Variants in PCDHA7 observed in about 807,000 individuals in gnomAD.
PCDHA7 encodes the protein protocadherin alpha 7.
In PCDHA7, 37 loss-of-function variants were observed where a neutral mutation model predicts 57.2. The ratio of observed to expected loss-of-function variants is 0.65; its 90% confidence interval spans 0.50 to 0.85. PCDHA7 has a LOEUF of 0.85. Ranked by LOEUF, PCDHA7 falls within the 40% of genes least tolerant of loss-of-function variation. The pLI, the probability that PCDHA7 is intolerant of heterozygous loss-of-function variation, is 0.00. For missense variants in PCDHA7, 1,188 were observed against 1,241.8 expected (o/e 0.96, Z 0.65); for synonymous variants, 553 against 558.8 (o/e 0.99, Z 0.15).
chr5:140,932,593 A>T (rs1347990722), intron 1 of PCDHA7, among the ~76,000 whole-genome samples: 1 of 151,922 alleles, frequency 6.6e-6, no homozygotes, highest in South Asian at 2.1e-4. Context: ...GATGTTTTGT[A>T]TATCTATTTT....
At chr5:140,869,631 G>A in intron 1 of PCDHA7, 1 of 1,613,652 alleles carries the variant, frequency 6.2e-7, no homozygotes, top group Non-Finnish European at 8.5e-7. Context: ...GTAAAAATGA[G>A]TATTTTTCTT....
At chr5:140,967,291 C>T (rs782682819) in intron 1 of PCDHA7, 11 of 1,612,754 alleles carry the variant, frequency 6.8e-6, no homozygotes, top group South Asian at 1.1e-5. Context: ...CGCAGGACCC[C>T]GACGTGGGCG....
intron 1 of PCDHA7, among the ~76,000 whole-genome samples, chr5:140,951,121 C>A (rs1223231581): frequency 6.9e-6 from 1 of 145,374 alleles, no homozygotes; most frequent in African/African-American, 2.6e-5. Context: ...TCATTCCTTA[C>A]CAATAAGTTT....
rs148144382 is a variant in PCDHA7 at position 140,914,978 on chromosome 5, G to C, written c.2356-63971G>C. On this transcript the variant is annotated intron_variant, in intron 1 of 3. Coordinates refer to ENST00000525929, the MANE Select transcript of PCDHA7 (RefSeq NM_018910.3). ...TTTTTTTTTTCTGAGTCAGAGTCTT[G>C]CTCTGCTACCAGGCTGGAGTGCAGT... Among the ~76,000 whole-genome samples the C allele has an allele frequency of 8.9e-3, 1,161 of 130,768 alleles. 6 individuals are homozygous for C. Among genetic ancestry groups the C allele is most frequent in the African/African-American group, 0.022 (758 of 34,950 alleles). 85.8% of individuals were successfully genotyped at this position (130,768 alleles called of 152,430 possible).
chr5:140,905,154 A>C (rs2071632233), intron 1 of PCDHA7, among the ~76,000 whole-genome samples: 1 of 152,040 alleles, frequency 6.6e-6, no homozygotes, highest in Admixed American at 6.6e-5. Context: ...ATATTTTAGA[A>C]TTTTCATGGT....
Position 140,883,665 on chromosome 5 carries a change from A to G in PCDHA7, c.2355+46927A>G, listed in dbSNP as rs782383703. 3.7e-6 allele frequency: 6 copies of G among 1,613,494 alleles called. No individual in the cohort carries two copies. The African/African-American group carries it at 8.0e-5, about 22-fold the overall frequency. On this transcript the variant is annotated intron_variant, in intron 1 of 3. Transcript: ENST00000525929. ...CCCGAGTACACGGTGTTCGTGAAGG[A>G]AAACAATCCGCCGGGCTGCCACATC...
At chr5:140,939,351 T>C (rs918440257) in intron 1 of PCDHA7, among the ~76,000 whole-genome samples, 2 of 152,140 alleles carry the variant, frequency 1.3e-5, no homozygotes, top group Non-Finnish European at 1.5e-5. Flanking sequence ...TTTCAACTTA[T>C]GATTGCAAAG....
intron 1 of PCDHA7, among the ~76,000 whole-genome samples, chr5:140,932,061 T>G (rs1009983968): frequency 5.3e-5 from 8 of 152,046 alleles, no homozygotes; most frequent in African/African-American, 1.9e-4. Flanking sequence ...TACTAAAAAT[T>G]ATCAGTTTAA....
chr5:140,864,013 A>G (rs574478230), intron 1 of PCDHA7: 3 of 153,164 alleles, frequency 2.0e-5, no homozygotes, highest in African/African-American at 4.8e-5. Flanking sequence ...AAAAAAAAGT[A>G]CATTGGAAGT....
chr5:141,010,321 G>A lies in PCDHA7; in HGVS notation c.*384G>A. The A allele has an allele frequency of 1.3e-6, 2 of 1,541,244 alleles. No individual in the cohort carries two copies. Among genetic ancestry groups the A allele is most frequent in the South Asian group, 1.2e-5 (1 of 82,726 alleles). On this transcript the variant is annotated 3_prime_UTR_variant, in exon 4 of 4. Transcript: ENST00000525929. ...GGCTGAAAAGTTTTGAGATTGAGCA[G>A]CTTGGGAGTTTGTGGCCACTGGGTA...
chr5:140,882,046 TACTTAC>T lies in PCDHA7; in HGVS notation c.2355+45317_2355+45322del, dbSNP rs2058922100. The T allele has an allele frequency of 1.6e-5, 12 of 728,060 alleles. No homozygotes were observed. In the South Asian group the frequency reaches 2.5e-4, roughly 15 times the overall value. 45.1% of individuals were successfully genotyped at this position (728,060 alleles called of 1,614,324 possible). ...AATGGAAAATATGAAGACTGAGTCA[TACTTAC>T]ACTTACACGTTCATGCGCATGGTGT... is the stretch of plus-strand genomic sequence containing the variant. On this transcript the variant is annotated intron_variant, in intron 1 of 3. Coordinates refer to ENST00000525929, the MANE Select transcript of PCDHA7 (RefSeq NM_018910.3).
At chr5:140,895,912 A>G (rs1215168324) in intron 1 of PCDHA7, among the ~76,000 whole-genome samples, 1 of 152,146 alleles carries the variant, frequency 6.6e-6, no homozygotes, top group African/African-American at 2.4e-5. Context: ...CCCGGGCTCA[A>G]CAATTATCCT....
intron 1 of PCDHA7, chr5:140,883,711 C>G: frequency 6.2e-7 from 1 of 1,613,576 alleles, no homozygotes; most frequent in Admixed American, 1.7e-5. Flanking sequence ...CTGCTCAGGA[C>G]GCGGACGCAC....
chr5:140,970,776 A>G lies in PCDHA7; in HGVS notation c.2356-8173A>G, dbSNP rs1338334067. Among the ~76,000 whole-genome samples the G allele has an allele frequency of 1.3e-5, 2 of 152,212 alleles. 1 individual carries two copies. The highest frequency in any genetic ancestry group is 4.8e-5 in the African/African-American group (2 of 41,458). On this transcript the variant is annotated intron_variant, in intron 1 of 3. Coordinates refer to ENST00000525929, the MANE Select transcript of PCDHA7 (RefSeq NM_018910.3). Reference sequence around the variant, plus strand: ...TTCATTGACATATTGCTGTACATACATATTGTATGTAATATCCATATTGTT... The same window carrying G: ...TTCATTGACATATTGCTGTACATACGTATTGTATGTAATATCCATATTGTT...
At chr5:140,871,279 C>G in intron 1 of PCDHA7, 2 of 1,613,946 alleles carry the variant, frequency 1.2e-6, no homozygotes, top group Non-Finnish European at 1.7e-6. Flanking sequence ...GTCGGCAACG[C>G]CCACTGAGGG....
In PCDHA7 at chr5:141,010,797, AC is replaced by A. The variant is rs1329759215; in HGVS notation, c.*864del. Reference sequence around the variant, plus strand: ...AATACTTATGCAAAAGCAAAAGAAAACCCCGACACCTCACCTTTCGCTGTTT... The same window carrying A: ...AATACTTATGCAAAAGCAAAAGAAAACCCGACACCTCACCTTTCGCTGTTT... On this transcript the variant is annotated 3_prime_UTR_variant, in exon 4 of 4. Transcript: ENST00000525929. The A allele has an allele frequency of 6.5e-6, 1 of 153,778 alleles. No homozygotes were observed. The highest frequency in any genetic ancestry group is 2.4e-5 in the African/African-American group (1 of 41,460). 9.5% of individuals were successfully genotyped at this position (153,778 alleles called of 1,614,324 possible).
chr5:140,938,406 T>A (rs1283027205), intron 1 of PCDHA7, among the ~76,000 whole-genome samples: 1 of 152,240 alleles, frequency 6.6e-6, no homozygotes, highest in African/African-American at 2.4e-5. Context: ...ATTGTTTGAT[T>A]GGGTTTATTT....
chr5:140,848,923 C>A (rs2150425002), intron 1 of PCDHA7: 1 of 1,607,740 alleles, frequency 6.2e-7, no homozygotes, highest in Non-Finnish European at 8.5e-7. Flanking sequence ...CTGTTCATCG[C>A]GGAATCCAGG....
chr5:141,006,357 G>A (rs1296731156), intron 3 of PCDHA7, among the ~76,000 whole-genome samples: 1 of 151,914 alleles, frequency 6.6e-6, no homozygotes, highest in Middle Eastern at 3.4e-3. Context: ...GACTATAGGC[G>A]CCCACCACCA....
Sources: gnomAD v4.1 joint callset for allele counts (sites outside exome capture counted in the v4.1 genomes callset) on GRCh38, gnomAD v4.1.1 for gene constraint, MANE v1.5 for transcripts, NCBI Gene and HGNC (gene_info 2026-07-23, HGNC 2026-07-21) for gene names.